Variants in TNKS observed in about 807,000 individuals in gnomAD.
TNKS encodes poly [ADP-ribose] polymerase tankyrase-1.
Under a neutral mutation model 135.8 loss-of-function variants are expected in TNKS, and 72 were observed. The ratio of observed to expected loss-of-function variants is 0.53; its 90% CI spans 0.44 to 0.64. TNKS has a LOEUF of 0.64. Among genes scored for constraint, TNKS ranks in the 30% least tolerant of loss-of-function variants. The pLI is 0.00. For missense variants in TNKS, 1,769 were observed against 1,674.0 expected (o/e 1.06, Z -0.99); for synonymous variants, 849 against 649.3 (o/e 1.31, Z -4.68).
At chr8:9,726,559 A>T in intron 12 of TNKS, 82 bp from the exon 13 acceptor site, 1 of 1,022,404 alleles carries the variant, frequency 9.8e-7, no homozygotes, top group Non-Finnish European at 1.4e-6. Context: ...TCCCTCAAGA[A>T]CCATTTTTGT....
chr8:9,600,044 A>T (rs894785494), intron 2 of TNKS, among the ~76,000 whole-genome samples: 1 of 152,220 alleles, frequency 6.6e-6, no homozygotes, highest in African/African-American at 2.4e-5. Context: ...AATTATGTGC[A>T]TAGGCTTGTT....
intron 21 of TNKS, among the ~76,000 whole-genome samples, chr8:9,762,735 T>C (rs1261551293): frequency 6.6e-6 from 1 of 152,012 alleles, no homozygotes; most frequent in Non-Finnish European, 1.5e-5. Flanking sequence ...ACCCTGTCTC[T>C]ACTAAACAAA....
rs1274662097 is a variant in TNKS at position 9,780,531 on chromosome 8, C to T, written c.*3795C>T. On this transcript the variant is annotated 3_prime_UTR_variant, in exon 27 of 27. Transcript: ENST00000310430. ...TGAAAGTGATGTTTGAGCTATTGTACACATCTAGCATATGGAAAGCAAATG... is the reference window on the plus strand; with the variant it reads ...TGAAAGTGATGTTTGAGCTATTGTATACATCTAGCATATGGAAAGCAAATG... 1 of 152,182 alleles carries T rather than the reference C, an allele frequency of 6.6e-6. No homozygotes were observed. Among genetic ancestry groups the T allele is most frequent in the Non-Finnish European group, 1.5e-5 (1 of 68,046 alleles). 9.4% of individuals were successfully genotyped at this position (152,182 alleles called of 1,614,324 possible).
intron 3 of TNKS, among the ~76,000 whole-genome samples, chr8:9,642,039 A>G (rs1262465325): frequency 6.8e-6 from 1 of 146,342 alleles, no homozygotes; most frequent in Non-Finnish European, 1.5e-5. Context: ...TACAAGCTTG[A>G]TGTAGAAGTG....
intron 3 of TNKS, among the ~76,000 whole-genome samples, chr8:9,662,652 G>A (rs771334275): frequency 6.6e-6 from 1 of 152,126 alleles, no homozygotes; most frequent in African/African-American, 2.4e-5. Context: ...GCTAAATGAT[G>A]AGTTAATGGG....
At chr8:9,723,894 T>C (rs535986178) in intron 12 of TNKS, among the ~76,000 whole-genome samples, 103 of 152,332 alleles carry the variant, frequency 6.8e-4, no homozygotes, top group African/African-American at 2.4e-3. Context: ...TACTTTCATC[T>C]ACACAGGTAA....
In TNKS at chr8:9,692,795, A is replaced by G. The variant is rs1803339429; in HGVS notation, c.1108-11868A>G. On this transcript the variant is annotated intron_variant, in intron 5 of 26. Coordinates refer to ENST00000310430, the MANE Select transcript of TNKS (RefSeq NM_003747.3). ...TTTTAAATTATCATTCTAGTGTTCC[A>G]AAAGTTAAGTAACTTCAATGAGAGT... is the stretch of plus-strand genomic sequence containing the variant. 2.6e-5 allele frequency among the ~76,000 whole-genome samples: 4 copies of G among 152,240 alleles called. No individual in the cohort carries two copies. In the South Asian group the frequency reaches 8.3e-4, roughly 32 times the overall value.
At chr8:9,582,835 C>T (rs187299112) in intron 2 of TNKS, among the ~76,000 whole-genome samples, 61 of 152,204 alleles carry the variant, frequency 4.0e-4, no homozygotes, top group Non-Finnish European at 8.4e-4. Flanking sequence ...ACAGAATTCC[C>T]ATTTCCTCTG....
intron 8 of TNKS, 138 bp from the exon 9 acceptor site, chr8:9,708,233 A>G (rs1266141127): frequency 5.5e-6 from 4 of 730,060 alleles, no homozygotes; most frequent in Non-Finnish European, 8.2e-6. Flanking sequence ...CATTTTTATC[A>G]TCATATTATC....
Position 9,734,861 on chromosome 8 carries a change from G to A in TNKS, c.2314-4G>A, listed in dbSNP as rs1805615772. The stretch of plus-strand genomic sequence containing the variant: ...AAACCCCATTTGGTTTTTCTTCTTT[G>A]TAGCATGGAGCAGATCCAACTAAAA... On this transcript the variant is annotated splice_region_variant and splice_polypyrimidine_tract_variant and intron_variant, in intron 15 of 26. Transcript: ENST00000310430. The A allele has an allele frequency of 6.2e-7, 1 of 1,609,234 alleles. No homozygotes were observed. The highest frequency in any genetic ancestry group is 8.5e-7 in the Non-Finnish European group (1 of 1,177,898).
intron 1 of TNKS, 49 bp from the exon 2 acceptor site, chr8:9,580,110 T>C: frequency 6.6e-7 from 1 of 1,520,030 alleles, no homozygotes; most frequent in Admixed American, 1.7e-5. Flanking sequence ...TAATGGTTCT[T>C]TTTACAAAAT....
chr8:9,681,523 A>G (rs943255631), intron 5 of TNKS, among the ~76,000 whole-genome samples: 1 of 151,994 alleles, frequency 6.6e-6, no homozygotes, highest in African/African-American at 2.4e-5. Context: ...AAACCAATGC[A>G]CTCTGTACCA....
At chr8:9,568,496 T>C (rs1303708078) in intron 1 of TNKS, among the ~76,000 whole-genome samples, 1 of 152,156 alleles carries the variant, frequency 6.6e-6, no homozygotes. Flanking sequence ...AAAATGAATA[T>C]AATATTAGAA....
intron 3 of TNKS, among the ~76,000 whole-genome samples, chr8:9,643,256 A>G (rs1394778645): frequency 6.8e-6 from 1 of 146,088 alleles, no homozygotes; most frequent in East Asian, 2.1e-4. Context: ...TGATTTATAA[A>G]GAAAAGAAGT....
At chr8:9,758,751 C>G (rs1806984640) in intron 20 of TNKS, among the ~76,000 whole-genome samples, 1 of 152,204 alleles carries the variant, frequency 6.6e-6, no homozygotes, top group African/African-American at 2.4e-5. Flanking sequence ...ACCTGTGGGC[C>G]TCTCCACAGT....
chr8:9,711,034 A>G (rs1193809034), intron 11 of TNKS, among the ~76,000 whole-genome samples: 2 of 152,174 alleles, frequency 1.3e-5, no homozygotes, highest in Non-Finnish European at 2.9e-5. Context: ...TTAAGAGAGG[A>G]AAGAAGCAAA....
intron 3 of TNKS, among the ~76,000 whole-genome samples, chr8:9,620,576 C>T (rs1799828315): frequency 6.6e-6 from 1 of 152,132 alleles, no homozygotes; most frequent in African/African-American, 2.4e-5. Context: ...CTGGCTCCTG[C>T]CTTGCATTTA....
intron 3 of TNKS, among the ~76,000 whole-genome samples, chr8:9,619,418 T>C (rs945188748): frequency 2.0e-5 from 3 of 152,160 alleles, no homozygotes; most frequent in African/African-American, 7.2e-5. Context: ...CCTGAGAGTT[T>C]GGAAAAGGAT....
At chr8:9,621,408 G>A (rs186934266) in intron 3 of TNKS, among the ~76,000 whole-genome samples, 248 of 151,504 alleles carry the variant, frequency 1.6e-3, no homozygotes, top group African/African-American at 5.6e-3. Context: ...GGGTTCAAGC[G>A]ATTCTCCTGC....
Sources: allele counts gnomAD v4.1 joint callset (sites outside exome capture counted in the v4.1 genomes callset), GRCh38; gene constraint gnomAD v4.1.1; transcripts MANE v1.5; gene names NCBI Gene and HGNC (gene_info 2026-07-23, HGNC 2026-07-21).